Variants in KCNH8 observed in about 807,000 individuals in gnomAD.
KCNH8 encodes the protein voltage-gated delayed rectifier potassium channel KCNH8.
KCNH8 carries 70 observed loss-of-function variants against 103.6 expected under a neutral mutation model. That is an observed-to-expected ratio of 0.68 (90% CI 0.56 to 0.82). The LOEUF is 0.82. Among genes scored for constraint, KCNH8 ranks in the 40% least tolerant of loss-of-function variants. The probability of loss-of-function intolerance (pLI) is 0.00; values close to 1 mark genes in which losing one functional copy is unlikely to be tolerated. For synonymous variants in KCNH8, 498 were observed against 489.4 expected (o/e 1.02, Z -0.23); for missense variants, 1,217 against 1,329.9 (o/e 0.92, Z 1.32).
intron 5 of KCNH8, among the ~76,000 whole-genome samples, chr3:19,357,987 T>C (rs543657223): frequency 6.6e-6 from 1 of 151,896 alleles, no homozygotes; most frequent in South Asian, 2.1e-4. Flanking sequence ...ACTGTGCAGA[T>C]TATAAAGGAT....
intron 1 of KCNH8, among the ~76,000 whole-genome samples, chr3:19,243,115 C>T (rs531575681): frequency 2.0e-5 from 3 of 152,258 alleles, no homozygotes; most frequent in Admixed American, 1.3e-4. Flanking sequence ...CTGACCTGAG[C>T]GTCTGGCGTA....
intron 1 of KCNH8, among the ~76,000 whole-genome samples, chr3:19,152,510 T>C (rs1174470059): frequency 6.6e-6 from 1 of 152,210 alleles, no homozygotes; most frequent in Admixed American, 6.5e-5. Flanking sequence ...AAAGGAAGTT[T>C]GTAGCCCAGT....
In KCNH8 at chr3:19,519,215, C is replaced by G. The variant is rs187144603; in HGVS notation, c.2619+1141C>G. On this transcript the variant is annotated intron_variant, in intron 15 of 15. Transcript: ENST00000328405. The stretch of plus-strand genomic sequence containing the variant: ...CTATCTTTGGTGTCCAGGGTAGACC[C>G]AGGCAAGGGCATGTGGGCAGGGACA... 2.5e-3 allele frequency among the ~76,000 whole-genome samples: 380 copies of G among 152,056 alleles called. 4 individuals carry two copies. In the South Asian group the frequency reaches 0.027, roughly 11 times the overall value.
chr3:19,265,371 C>A (rs968147138), intron 2 of KCNH8, among the ~76,000 whole-genome samples: 8 of 152,100 alleles, frequency 5.3e-5, no homozygotes, highest in Non-Finnish European at 1.2e-4. Context: ...ACCAGCAGAG[C>A]GTTAAATGAA....
intron 2 of KCNH8, among the ~76,000 whole-genome samples, chr3:19,270,124 A>G (rs1215038136): frequency 3.3e-5 from 5 of 152,166 alleles, no homozygotes; most frequent in African/African-American, 1.2e-4. Flanking sequence ...ATCTGGCAGG[A>G]TGCCTGTTTT....
chr3:19,319,297 G>C (rs2065318666), intron 3 of KCNH8, among the ~76,000 whole-genome samples: 1 of 152,044 alleles, frequency 6.6e-6, no homozygotes, highest in African/African-American at 2.4e-5. Flanking sequence ...TATGGTTTCA[G>C]GTTTTACATT....
chr3:19,297,905 C>T (rs73048568), intron 3 of KCNH8, among the ~76,000 whole-genome samples: 8,360 of 152,204 alleles, frequency 0.055, 252 homozygotes, highest in Middle Eastern at 0.1. Flanking sequence ...CATTTTATTC[C>T]GTGTAACAAT....
chr3:19,378,684 A>G (rs1173484741), intron 5 of KCNH8, among the ~76,000 whole-genome samples: 1 of 152,230 alleles, frequency 6.6e-6, no homozygotes, highest in Non-Finnish European at 1.5e-5. Context: ...ACCACAATCT[A>G]TTTTAACACT....
At chr3:19,502,301 T>C (rs1331723186) in intron 11 of KCNH8, among the ~76,000 whole-genome samples, 7 of 151,216 alleles carry the variant, frequency 4.6e-5, no homozygotes, top group African/African-American at 1.5e-4. Flanking sequence ...GAACATTCCA[T>C]GCTCATGGGT....
intron 7 of KCNH8, among the ~76,000 whole-genome samples, chr3:19,414,838 T>A (rs1245923464): frequency 2.0e-5 from 3 of 151,998 alleles, no homozygotes; most frequent in Non-Finnish European, 4.4e-5. Context: ...AAGCTTGAGA[T>A]TTCCTGGAGA....
intron 3 of KCNH8, among the ~76,000 whole-genome samples, chr3:19,337,313 G>T (rs746128585): frequency 6.6e-6 from 1 of 152,030 alleles, no homozygotes; most frequent in Non-Finnish European, 1.5e-5. Flanking sequence ...ATAATGCCTA[G>T]AACATGATGG....
intron 7 of KCNH8, among the ~76,000 whole-genome samples, chr3:19,412,465 T>C (rs1219362895): frequency 6.6e-6 from 1 of 152,014 alleles, no homozygotes; most frequent in Non-Finnish European, 1.5e-5. Flanking sequence ...AACACACCAT[T>C]CTGGACATGG....
Position 19,465,597 on chromosome 3 carries a change from G to C in KCNH8, c.2040+8615G>C, listed in dbSNP as rs186629879. On this transcript the variant is annotated intron_variant, in intron 11 of 15. Coordinates refer to ENST00000328405, the MANE Select transcript of KCNH8 (RefSeq NM_144633.3). ...TCTTATTATTGAAGAAATATATTTT[G>C]TAAAGCTATAGCTGCCATAGATAGT... Among the ~76,000 whole-genome samples, 34 of 151,942 alleles carry C rather than the reference G, an allele frequency of 2.2e-4. 1 individual carries two copies. The highest frequency in any genetic ancestry group is 7.7e-4 in the African/African-American group (32 of 41,448).
chr3:19,253,866 A>G lies in KCNH8; in HGVS notation c.289A>G (p.Ile97Val), dbSNP rs1411327492. The G allele has an allele frequency of 5.6e-6, 9 of 1,613,012 alleles. No homozygotes were observed. Among genetic ancestry groups the G allele is most frequent in the Admixed American group, 3.3e-5 (2 of 59,958 alleles). The change falls in exon 2 of 16, where the codon ATT (isoleucine) becomes GTT (valine). Residue 97 changes from isoleucine (I) to valine (V), a missense_variant. Physicochemically the swap from Ile to Val is conservative, Grantham distance 29. Transcript: ENST00000328405. The stretch of plus-strand genomic sequence containing the variant: ...GGAGAAAACAGAATTCAAAGGAGAA[A>G]TTATGTTCTACAAGAAAAACGGTGA... ...LEEKTEFKGE[I>V]MFYKKNGSPF...
At position 19,395,180 on chromosome 3, in the gene KCNH8, C is replaced by T; in HGVS notation, c.1046C>T (p.Ser349Phe). 6.2e-7 allele frequency: 1 copy of T among 1,611,512 alleles called. No individual in the cohort carries two copies. Among genetic ancestry groups the T allele is most frequent in the Non-Finnish European group, 8.5e-7 (1 of 1,178,736 alleles). ...CTGCTGCAGAAGTTAGACCGCTATT[C>T]CCAACACAGTACTATCGTCCTGACT... ...LRLLQKLDRYSQHSTIVLTLL... is the reference protein window; with the variant it reads ...LRLLQKLDRYFQHSTIVLTLL... The change falls in exon 7 of 16, where the codon TCC (serine) becomes TTC (phenylalanine). Residue 349 changes from serine to phenylalanine, a missense_variant. Ser to Phe is a radical substitution (Grantham distance 155, BLOSUM62 -2). Transcript: ENST00000328405.
intron 3 of KCNH8, among the ~76,000 whole-genome samples, chr3:19,283,975 A>C (rs923111485): frequency 5.3e-5 from 8 of 151,218 alleles, no homozygotes; most frequent in Non-Finnish European, 1.0e-4. Flanking sequence ...AAAGAAAAAA[A>C]AATATTTTTA....
At chr3:19,396,871 T>A (rs1360845049) in intron 7 of KCNH8, among the ~76,000 whole-genome samples, 1 of 152,008 alleles carries the variant, frequency 6.6e-6, no homozygotes, top group Non-Finnish European at 1.5e-5. Flanking sequence ...CATATTAAAA[T>A]TCTGACTTGT....
intron 1 of KCNH8, among the ~76,000 whole-genome samples, chr3:19,171,994 A>G (rs1396686909): frequency 1.3e-5 from 2 of 152,130 alleles, no homozygotes; most frequent in Admixed American, 6.5e-5. Context: ...CCCTTTCTCA[A>G]TCATGTAGGA....
At chr3:19,428,605 G>A (rs1039752585) in intron 7 of KCNH8, among the ~76,000 whole-genome samples, 5 of 152,162 alleles carry the variant, frequency 3.3e-5, no homozygotes, top group South Asian at 2.1e-4. Flanking sequence ...TCTGCTAAGC[G>A]CTTTACGTGA....
Sources: allele counts gnomAD v4.1 joint callset (sites outside exome capture counted in the v4.1 genomes callset), GRCh38; gene constraint gnomAD v4.1.1; transcripts MANE v1.5; gene names NCBI Gene and HGNC (gene_info 2026-07-23, HGNC 2026-07-21).